The following RAPGEF5 variants were observed in gnomAD, a reference collection of about 807,000 sequenced individuals.
The protein encoded by RAPGEF5 is M-Ras-regulated GEF.
Under a neutral mutation model 125.2 loss-of-function variants are expected in RAPGEF5, and 65 were observed. That is an observed-to-expected ratio of 0.52 (90% CI 0.43 to 0.64). The LOEUF (loss-of-function observed/expected upper bound fraction) is 0.64, where lower values mean the gene tolerates loss of function less well. RAPGEF5 is among the 30% of genes least tolerant of loss of function. The probability of loss-of-function intolerance (pLI) is 0.00; values close to 1 mark genes in which losing one functional copy is unlikely to be tolerated. For missense variants in RAPGEF5, 958 were observed against 1,048.1 expected, an observed-to-expected ratio of 0.91 and a Z score of 1.19; for synonymous variants, 391 against 385.9, an observed-to-expected ratio of 1.01 and a Z score of -0.16.
intron 1 of RAPGEF5, among the ~76,000 whole-genome samples, chr7:22,349,422 CAAAAAAAAA>C (rs34428356): frequency 1.3e-5 from 1 of 74,988 alleles, no homozygotes; most frequent in South Asian, 4.9e-4. Flanking sequence ...AGACTCCATC[CAAAAAAAAA>C]AAAAAAAAAA....
At chr7:22,129,213 TAATGA>T (rs1024571360) in intron 24 of RAPGEF5, among the ~76,000 whole-genome samples, 79 of 152,220 alleles carry the variant, frequency 5.2e-4, no homozygotes, top group African/African-American at 1.9e-3. Context: ...GGAAATGACA[TAATGA>T]ACTTAACAAA....
At chr7:22,341,372 G>A (rs182977387) in intron 1 of RAPGEF5, among the ~76,000 whole-genome samples, 85 of 152,304 alleles carry the variant, frequency 5.6e-4, no homozygotes, top group African/African-American at 1.7e-3. Context: ...AATTCAAGAC[G>A]AGATTTGGGT....
intron 7 of RAPGEF5, among the ~76,000 whole-genome samples, chr7:22,238,135 C>T (rs574698816): frequency 1.3e-5 from 2 of 152,092 alleles, no homozygotes; most frequent in Non-Finnish European, 2.9e-5. Flanking sequence ...TGCACTGAGC[C>T]GTGTGGCCAT....
intron 13 of RAPGEF5, among the ~76,000 whole-genome samples, chr7:22,161,800 T>C (rs577369105): frequency 3.2e-4 from 48 of 152,318 alleles, no homozygotes; most frequent in African/African-American, 9.9e-4. Context: ...TAGAATTCCA[T>C]TGTATTCCTT....
intron 9 of RAPGEF5, among the ~76,000 whole-genome samples, chr7:22,203,600 C>T (rs867595911): frequency 2.6e-5 from 4 of 152,200 alleles, no homozygotes; most frequent in East Asian, 1.9e-4. Flanking sequence ...TTCTGCTGCT[C>T]CTTGTTCCAG....
chr7:22,156,997 T>G, intron 15 of RAPGEF5, 109 bp from the exon 16 acceptor site: 2 of 1,483,768 alleles, frequency 1.3e-6, no homozygotes, highest in Non-Finnish European at 9.0e-7. Flanking sequence ...TTTTTTAATA[T>G]GAAATCCACC....
chr7:22,159,986 G>C (rs1232022160), intron 14 of RAPGEF5, among the ~76,000 whole-genome samples: 1 of 152,080 alleles, frequency 6.6e-6, no homozygotes, highest in Non-Finnish European at 1.5e-5. Flanking sequence ...GTGCACCTCT[G>C]TAATCCCAGA....
chr7:22,340,805 CCTCCTT>C (rs1342505137), intron 1 of RAPGEF5, among the ~76,000 whole-genome samples: 1 of 152,224 alleles, frequency 6.6e-6, no homozygotes. Flanking sequence ...GAATGCTCTA[CCTCCTT>C]CCTGGCAGAT....
intron 22 of RAPGEF5, among the ~76,000 whole-genome samples, 196 bp from the exon 23 acceptor site, chr7:22,136,321 C>G (rs1783078254): frequency 6.6e-6 from 1 of 151,918 alleles, no homozygotes; most frequent in African/African-American, 2.4e-5. Context: ...GAATGAAATT[C>G]AAGTTATTGG....
intron 6 of RAPGEF5, among the ~76,000 whole-genome samples, chr7:22,281,478 C>G (rs2128144846): frequency 6.6e-6 from 1 of 152,252 alleles, no homozygotes; most frequent in African/African-American, 2.4e-5. Flanking sequence ...ACCCAAAGTG[C>G]TGGGATTACA....
At chr7:22,126,193 C>T (rs1782739790) in intron 24 of RAPGEF5, among the ~76,000 whole-genome samples, 1 of 152,114 alleles carries the variant, frequency 6.6e-6, no homozygotes, top group African/African-American at 2.4e-5. Context: ...CCGGGTTGCA[C>T]AGGTTCTTAT....
chr7:22,327,339 T>C (rs1783833454), intron 1 of RAPGEF5, among the ~76,000 whole-genome samples: 1 of 152,258 alleles, frequency 6.6e-6, no homozygotes, highest in South Asian at 2.1e-4. Context: ...AGATTCTTAT[T>C]TACATTTGAA....
chr7:22,232,595 C>G (rs1371859020), intron 7 of RAPGEF5, among the ~76,000 whole-genome samples: 1 of 152,150 alleles, frequency 6.6e-6, no homozygotes, highest in Non-Finnish European at 1.5e-5. Flanking sequence ...GCTGGGATTA[C>G]AAGGTGTGAG....
chr7:22,320,095 C>T (rs1342182082), intron 1 of RAPGEF5, among the ~76,000 whole-genome samples: 1 of 152,212 alleles, frequency 6.6e-6, no homozygotes, highest in Non-Finnish European at 1.5e-5. Flanking sequence ...GCCCCAGGAA[C>T]TCAACAAGCT....
At chr7:22,175,041 G>A (rs1406493482) in intron 11 of RAPGEF5, among the ~76,000 whole-genome samples, 1 of 152,154 alleles carries the variant, frequency 6.6e-6, no homozygotes, top group Non-Finnish European at 1.5e-5. Flanking sequence ...GATGGTAAGG[G>A]AAAGATGAGT....
intron 11 of RAPGEF5, among the ~76,000 whole-genome samples, chr7:22,168,423 G>A (rs1784240512): frequency 1.3e-5 from 2 of 152,210 alleles, no homozygotes; most frequent in Non-Finnish European, 1.5e-5. Flanking sequence ...AGAAATAAAT[G>A]TCTGTTGTTT....
intron 11 of RAPGEF5, among the ~76,000 whole-genome samples, chr7:22,167,526 C>T (rs367557394): frequency 3.9e-5 from 6 of 152,272 alleles, no homozygotes; most frequent in South Asian, 4.1e-4. Context: ...TCAAGTCCTA[C>T]GGGGAATAAA....
chr7:22,329,941 C>G (rs1783882681), intron 1 of RAPGEF5, among the ~76,000 whole-genome samples: 1 of 152,196 alleles, frequency 6.6e-6, no homozygotes, highest in Non-Finnish European at 1.5e-5. Context: ...TCAGGGTCAG[C>G]AACTTAACTC....
intron 9 of RAPGEF5, among the ~76,000 whole-genome samples, chr7:22,214,992 T>C (rs1785601307): frequency 6.6e-6 from 1 of 152,182 alleles, no homozygotes; most frequent in African/African-American, 2.4e-5. Context: ...CCATCTTCCT[T>C]AGGAAAAGTT....
Sources: allele counts gnomAD v4.1 joint callset (sites outside exome capture counted in the v4.1 genomes callset), GRCh38; gene constraint gnomAD v4.1.1; transcripts MANE v1.5; gene names NCBI Gene and HGNC (gene_info 2026-07-23, HGNC 2026-07-21).